Variants in DMGDH observed in about 807,000 individuals in gnomAD.
DMGDH encodes dimethylglycine dehydrogenase, also known as dimethylglycine dehydrogenase, mitochondrial.
In DMGDH, 76 loss-of-function variants were observed where a neutral mutation model predicts 95.2. That is an observed-to-expected ratio of 0.80 (90% CI 0.66 to 0.97). The LOEUF (loss-of-function observed/expected upper bound fraction) is 0.97. Among genes scored for constraint, DMGDH ranks in the 50% least tolerant of loss-of-function variants. The pLI is 0.00. For synonymous variants in DMGDH, 345 were observed against 377.6 expected (o/e 0.91, Z 1.00); for missense variants, 987 against 1,055.0 (o/e 0.94, Z 0.89).
At chr5:79,018,196 T>C (rs895700067) in intron 14 of DMGDH, among the ~76,000 whole-genome samples, 1 of 152,090 alleles carries the variant, frequency 6.6e-6, no homozygotes, top group African/African-American at 2.4e-5. Context: ...TACAGGCATG[T>C]GTCACCATGC....
chr5:79,032,499 G>C (rs1465042665), intron 9 of DMGDH, among the ~76,000 whole-genome samples, 188 bp downstream of exon 9: 1 of 152,240 alleles, frequency 6.6e-6, no homozygotes, highest in Non-Finnish European at 1.5e-5. Context: ...GTGAGTCCTA[G>C]ATGTGGGCCA....
chr5:79,041,709 A>T (rs1253459881), intron 7 of DMGDH, among the ~76,000 whole-genome samples: 1 of 152,204 alleles, frequency 6.6e-6, no homozygotes, highest in Non-Finnish European at 1.5e-5. Flanking sequence ...AGAAAGCTCC[A>T]GGAGGCCGGG....
chr5:79,013,638 T>G (rs1019519708), intron 14 of DMGDH, among the ~76,000 whole-genome samples: 4 of 152,198 alleles, frequency 2.6e-5, no homozygotes, highest in African/African-American at 9.7e-5. Flanking sequence ...GAAAATAGAT[T>G]TAATTGGCTC....
intron 5 of DMGDH, among the ~76,000 whole-genome samples, chr5:79,046,164 G>A (rs1033000519): frequency 6.6e-6 from 1 of 152,072 alleles, no homozygotes; most frequent in African/African-American, 2.4e-5. Context: ...TTGGCTCACT[G>A]CAACATCTGC....
In DMGDH at chr5:79,044,479, A is replaced by G; in HGVS notation, c.819T>C (p.Val273=). 1 of 1,614,216 alleles carries G rather than the reference A, an allele frequency of 6.2e-7. No individual in the cohort carries two copies. Among genetic ancestry groups the G allele is most frequent in the Non-Finnish European group, 8.5e-7 (1 of 1,180,030 alleles). ...TCACTTCAGATATAGTCGATGTAAC[A>G]ACATATTGATGTTGAACCGGAATGA... The part of the protein sequence containing the change: ...HPLIPVQHQY[V]VTSTISEVKA... Residue 273 remains valine, a synonymous_variant, in exon 6 of 16, where the codon GTT becomes GTC. Transcript: ENST00000255189.
At chr5:79,059,477 T>C (rs1755135570) in intron 2 of DMGDH, among the ~76,000 whole-genome samples, 1 of 152,266 alleles carries the variant, frequency 6.6e-6, no homozygotes, top group East Asian at 1.9e-4. Context: ...TGTTCTTGTG[T>C]CTGCCTGTTG....
chr5:79,029,417 A>G (rs542629401), intron 11 of DMGDH, among the ~76,000 whole-genome samples: 92 of 152,342 alleles, frequency 6.0e-4, no homozygotes, highest in Admixed American at 1.8e-3. Context: ...TGGACTTGGC[A>G]GGTCAGCAAC....
intron 5 of DMGDH, among the ~76,000 whole-genome samples, chr5:79,044,991 A>G: frequency 6.6e-6 from 1 of 152,138 alleles, no homozygotes; most frequent in Non-Finnish European, 1.5e-5. Context: ...ATAATACATA[A>G]TGATATACCT....
rs181521178 is a variant in DMGDH at position 79,017,305 on chromosome 5, G to C, written c.2250+6966C>G. Among the ~76,000 whole-genome samples the C allele has an allele frequency of 2.0e-4, 30 of 151,802 alleles. No individual in the cohort carries two copies. In the East Asian group the frequency reaches 5.8e-3, roughly 29 times the overall value. ...ATGTATCTGATAAAGAATACAGAAA[G>C]CACTTTAAAAACTCAATTAAAAAAA... On this transcript the variant is annotated intron_variant, in intron 14 of 15. Transcript: ENST00000255189.
chr5:79,028,217 A>G (rs919693878), intron 12 of DMGDH, among the ~76,000 whole-genome samples: 1 of 152,034 alleles, frequency 6.6e-6, no homozygotes, highest in African/African-American at 2.4e-5. Context: ...CTGTGGAACC[A>G]CTTTCAAGAT....
chr5:79,054,592 G>A (rs1326748438), intron 3 of DMGDH, among the ~76,000 whole-genome samples: 3 of 152,198 alleles, frequency 2.0e-5, no homozygotes, highest in African/African-American at 7.2e-5. Flanking sequence ...AACAAGAAAG[G>A]TAAAGACTCT....
At chr5:79,021,709 G>T (rs761690923) in intron 14 of DMGDH, 157 of 1,292,986 alleles carry the variant, frequency 1.2e-4, no homozygotes, top group Non-Finnish European at 1.4e-4. Context: ...ATTAGTTACA[G>T]CAAAAACATG....
intron 14 of DMGDH, among the ~76,000 whole-genome samples, chr5:79,011,201 A>G (rs1386210753): frequency 6.6e-6 from 1 of 152,216 alleles, no homozygotes; most frequent in African/African-American, 2.4e-5. Context: ...AAATTACAGC[A>G]TTATTCATTT....
At chr5:79,026,739 C>G (rs1754014467) in intron 12 of DMGDH, among the ~76,000 whole-genome samples, 158 bp from the exon 13 acceptor site, 2 of 152,152 alleles carry the variant, frequency 1.3e-5, no homozygotes, top group South Asian at 4.1e-4. Context: ...TTACAAGACC[C>G]CACTGCAAAG....
At chr5:79,052,222 T>A (rs1343256050) in intron 4 of DMGDH, among the ~76,000 whole-genome samples, 1 of 152,216 alleles carries the variant, frequency 6.6e-6, no homozygotes, top group African/African-American at 2.4e-5. Context: ...TAGTATTTTG[T>A]TGAGGATTTT....
chr5:79,026,645 T>G (rs1754010722), intron 12 of DMGDH, 64 bp from the exon 13 acceptor site: 1 of 1,606,240 alleles, frequency 6.2e-7, no homozygotes, highest in African/African-American at 1.3e-5. Context: ...TAATGTGCAT[T>G]AGCTAGAACA....
chr5:79,057,781 T>C (rs1755074407), intron 2 of DMGDH, among the ~76,000 whole-genome samples: 1 of 152,184 alleles, frequency 6.6e-6, no homozygotes, highest in South Asian at 2.1e-4. Flanking sequence ...CCTATATATA[T>C]GTCCTATATA....
At chr5:79,056,861 G>C (rs922182983) in intron 2 of DMGDH, among the ~76,000 whole-genome samples, 7 of 151,960 alleles carry the variant, frequency 4.6e-5, no homozygotes, top group African/African-American at 1.5e-4. Flanking sequence ...TCTCAAAAAA[G>C]AACAGAAAAA....
chr5:79,017,511 T>C (rs1490081646), intron 14 of DMGDH, among the ~76,000 whole-genome samples: 1 of 152,160 alleles, frequency 6.6e-6, no homozygotes, highest in Non-Finnish European at 1.5e-5. Context: ...CCATGAAAAG[T>C]ATTTGACAAG....
Sources: allele counts gnomAD v4.1 joint callset (sites outside exome capture counted in the v4.1 genomes callset), GRCh38; gene constraint gnomAD v4.1.1; transcripts MANE v1.5; gene names NCBI Gene and HGNC (gene_info 2026-07-23, HGNC 2026-07-21).